The following PUDP variants were observed in gnomAD, a reference collection of about 807,000 sequenced individuals.
PUDP encodes pseudouridine-5'-phosphatase.
PUDP carries 8 observed loss-of-function variants against 9.4 expected under a neutral mutation model. The observed-to-expected ratio is 0.85, with a 90% CI of 0.50 to 1.53. The LOEUF (loss-of-function observed/expected upper bound fraction) is 1.53, where lower values mean the gene tolerates loss of function less well. PUDP is among the 40% of genes most tolerant of loss of function. The pLI is 0.00. For missense variants in PUDP, 188 were observed against 189.7 expected (o/e 0.99, Z 0.05); for synonymous variants, 99 against 80.7 (o/e 1.23, Z -1.22).
At chrX:7,116,810 G>A (rs1397595489) in intron 1 of PUDP, among the ~76,000 whole-genome samples, 2 of 111,548 alleles carry the variant, frequency 1.8e-5, no homozygotes, top group Admixed American at 1.9e-4. Context: ...TGATCATGGG[G>A]GCAGATCCTT....
intron 3 of PUDP, among the ~76,000 whole-genome samples, chrX:6,950,267 G>A (rs1437750417): frequency 9.9e-6 from 1 of 100,793 alleles, no homozygotes; most frequent in African/African-American, 3.6e-5. Context: ...GAACCAGGGA[G>A]GTGGAGGCTG....
At chrX:7,144,347 T>A (rs1477909486) in intron 1 of PUDP, among the ~76,000 whole-genome samples, 2 of 112,346 alleles carry the variant, frequency 1.8e-5, no homozygotes, top group Non-Finnish European at 3.8e-5. Context: ...TAATATTACG[T>A]AAGAAAAATC....
In PUDP at chrX:7,118,380, G is replaced by C. The variant is rs147036312; in HGVS notation, c.62-12542C>G. 4.3e-3 allele frequency among the ~76,000 whole-genome samples: 486 copies of C among 111,858 alleles called. 5 individuals are homozygous for C. The highest frequency in any genetic ancestry group is 0.026 in the Admixed American group (278 of 10,581). On this transcript the variant is annotated intron_variant, in intron 1 of 3. Coordinates refer to ENST00000381077, the MANE Select transcript of PUDP (RefSeq NM_012080.5). The stretch of plus-strand genomic sequence containing the variant: ...ACACAAAATATATTCCTCTCTTTTA[G>C]GTTTTCTGCAATCTCCATCCAACTT...
intron 1 of PUDP, among the ~76,000 whole-genome samples, chrX:6,715,531 G>A (rs904535016): frequency 2.7e-5 from 3 of 112,327 alleles, no homozygotes; most frequent in African/African-American, 9.7e-5. Flanking sequence ...CTCATGGAAT[G>A]TATTCAATAA....
intron 1 of PUDP, among the ~76,000 whole-genome samples, chrX:7,112,154 G>T (rs1932069157): frequency 9.0e-6 from 1 of 111,561 alleles, no homozygotes. Context: ...AAAAGCTTCT[G>T]AAAACACTGC....
At chrX:6,709,662 C>T (rs1924509367) in intron 1 of PUDP, among the ~76,000 whole-genome samples, 3 of 112,336 alleles carry the variant, frequency 2.7e-5, no homozygotes, top group Admixed American at 1.9e-4. Context: ...GTATTTCTGA[C>T]TGATGTTCTT....
At chrX:6,805,580 C>T (rs1393672979) in intron 3 of PUDP, among the ~76,000 whole-genome samples, 1 of 110,364 alleles carries the variant, frequency 9.1e-6, no homozygotes, top group African/African-American at 3.3e-5. Context: ...GCTGGAGTGG[C>T]GTGATCATGG....
intron 1 of PUDP, among the ~76,000 whole-genome samples, chrX:6,715,075 G>A (rs141207901): frequency 1.3e-4 from 14 of 109,551 alleles, no homozygotes; most frequent in African/African-American, 4.3e-4. Flanking sequence ...CACATAAAAT[G>A]TAAAGGAACA....
At chrX:6,937,623 T>G (rs1928326721) in intron 3 of PUDP, among the ~76,000 whole-genome samples, 1 of 96,697 alleles carries the variant, frequency 1.0e-5, no homozygotes, top group Non-Finnish European at 2.1e-5. Flanking sequence ...AAAGACAAAA[T>G]TGACAAATGG....
intron 1 of PUDP, among the ~76,000 whole-genome samples, chrX:7,131,430 G>A (rs765535862): frequency 1.9e-4 from 21 of 110,418 alleles, no homozygotes; most frequent in African/African-American, 6.3e-4. Flanking sequence ...GTATTATCCC[G>A]GTGGGCCCTA....
At chrX:6,890,325 C>A (rs371286176) in intron 3 of PUDP, among the ~76,000 whole-genome samples, 1 of 111,891 alleles carries the variant, frequency 8.9e-6, no homozygotes, top group African/African-American at 3.3e-5. Flanking sequence ...CCTTAAGTAA[C>A]CTATAACTAA....
At chrX:6,753,479 G>A (rs1356188533) in intron 3 of PUDP, among the ~76,000 whole-genome samples, 3 of 110,934 alleles carry the variant, frequency 2.7e-5, no homozygotes, top group Non-Finnish European at 5.7e-5. Context: ...TTTCCTCTGG[G>A]TGGATAACCA....
At chrX:6,932,653 G>C (rs1446030023) in intron 3 of PUDP, among the ~76,000 whole-genome samples, 1 of 111,832 alleles carries the variant, frequency 8.9e-6, no homozygotes. Flanking sequence ...TGCGCGAGCC[G>C]AAGCAGGGCG....
chrX:6,910,270 T>C (rs1481519091), intron 3 of PUDP, among the ~76,000 whole-genome samples: 3 of 112,020 alleles, frequency 2.7e-5, no homozygotes, highest in Non-Finnish European at 3.8e-5. Flanking sequence ...AGAGAAAACA[T>C]GTGTTTTAAC....
chrX:6,764,661 C>A (rs903541440), intron 3 of PUDP, among the ~76,000 whole-genome samples: 6 of 111,010 alleles, frequency 5.4e-5, no homozygotes, highest in African/African-American at 2.0e-4. Flanking sequence ...TGAATCAGCA[C>A]ATGATGAATT....
At chrX:6,865,095 G>C (rs1335653856) in intron 3 of PUDP, among the ~76,000 whole-genome samples, 2 of 108,904 alleles carry the variant, frequency 1.8e-5, no homozygotes, top group Non-Finnish European at 3.8e-5. Flanking sequence ...AACTAAAGTA[G>C]TGTTTGCCTC....
At chrX:7,106,589 T>C (rs544122776) in intron 1 of PUDP, among the ~76,000 whole-genome samples, 1 of 112,389 alleles carries the variant, frequency 8.9e-6, no homozygotes, top group African/African-American at 3.2e-5. Flanking sequence ...GTTTTTTCTG[T>C]ATGTATATTT....
chrX:7,059,662 CT>C (rs1279965831), intron 3 of PUDP, among the ~76,000 whole-genome samples: 1 of 111,927 alleles, frequency 8.9e-6, no homozygotes, highest in Admixed American at 9.4e-5. Flanking sequence ...TTCAACAGCA[CT>C]TTCGTTATGG....
intron 3 of PUDP, among the ~76,000 whole-genome samples, chrX:6,915,279 C>T (rs763815794): frequency 1.8e-5 from 2 of 112,019 alleles, no homozygotes; most frequent in Non-Finnish European, 3.8e-5. Flanking sequence ...ATTTTCATTG[C>T]TATTTTGCCT....
Sources: gnomAD v4.1 joint callset for allele counts (sites outside exome capture counted in the v4.1 genomes callset) on GRCh38, gnomAD v4.1.1 for gene constraint, MANE v1.5 for transcripts, NCBI Gene and HGNC (gene_info 2026-07-23, HGNC 2026-07-21) for gene names.